LRP12: variants seen among roughly 807,000 people sequenced by gnomAD.
LRP12 encodes the protein LDL receptor related protein 12, also known as low-density lipoprotein receptor-related protein 12.
Under a neutral mutation model 66.0 loss-of-function variants are expected in LRP12, and 14 were observed. The ratio of observed to expected loss-of-function variants is 0.21; its 90% CI spans 0.14 to 0.33. The LOEUF is 0.33. Among genes scored for constraint, LRP12 ranks in the 10% least tolerant of loss-of-function variants. The probability of loss-of-function intolerance (pLI) is 1.00; values close to 1 mark genes in which losing one functional copy is unlikely to be tolerated. For missense variants in LRP12, 889 were observed against 1,053.4 expected (o/e 0.84, Z 2.16); for synonymous variants, 357 against 359.1 (o/e 0.99, Z 0.07).
At chr8:104,530,641 C>T (rs936376050) in intron 2 of LRP12, among the ~76,000 whole-genome samples, 6 of 152,116 alleles carry the variant, frequency 3.9e-5, no homozygotes, top group African/African-American at 1.4e-4. Context: ...AAACAGGCCT[C>T]AGTAGTTTTT....
At chr8:104,554,962 T>C (rs1811782527) in intron 1 of LRP12, among the ~76,000 whole-genome samples, 1 of 152,070 alleles carries the variant, frequency 6.6e-6, no homozygotes, top group Admixed American at 6.5e-5. Context: ...GGGATTGGGG[T>C]CCTATCTTTA....
chr8:104,559,811 T>C (rs1422363793), intron 1 of LRP12, among the ~76,000 whole-genome samples: 1 of 152,168 alleles, frequency 6.6e-6, no homozygotes, highest in East Asian at 1.9e-4. Flanking sequence ...AAGTTATCCA[T>C]TGTAAATATG....
At chr8:104,542,487 G>C (rs899136101) in intron 1 of LRP12, among the ~76,000 whole-genome samples, 4 of 152,164 alleles carry the variant, frequency 2.6e-5, no homozygotes, top group African/African-American at 9.7e-5. Flanking sequence ...TGAAGCACAA[G>C]TGTTTTTAAT....
intron 1 of LRP12, among the ~76,000 whole-genome samples, chr8:104,588,455 C>T (rs937607589): frequency 6.6e-6 from 1 of 152,192 alleles, no homozygotes; most frequent in Non-Finnish European, 1.5e-5. Flanking sequence ...CCTCTGCTTT[C>T]TCACAGTCAA....
At chr8:104,521,307 A>G (rs1279394868) in intron 2 of LRP12, among the ~76,000 whole-genome samples, 1 of 151,818 alleles carries the variant, frequency 6.6e-6, no homozygotes, top group Non-Finnish European at 1.5e-5. Flanking sequence ...GATTTGGGAT[A>G]GTCAACCTGT....
At chr8:104,541,406 C>T (rs1811474023) in intron 1 of LRP12, among the ~76,000 whole-genome samples, 3 of 152,148 alleles carry the variant, frequency 2.0e-5, no homozygotes, top group Non-Finnish European at 2.9e-5. Context: ...CTACCTATGA[C>T]TGTGGTTCAC....
At position 104,512,764 on chromosome 8, in the gene LRP12, T is replaced by G. The variant is rs776355475; in HGVS notation, c.137-3690A>C. Among the ~76,000 whole-genome samples the G allele has an allele frequency of 1.2e-3, 176 of 152,236 alleles. 1 individual carries two copies. The highest frequency in any genetic ancestry group is 2.7e-3 in the Admixed American group (42 of 15,300). On this transcript the variant is annotated intron_variant, in intron 2 of 6. Transcript: ENST00000276654. Reference sequence around the variant, plus strand: ...TTATACCAATAACTGAAGATTCTAGTATGGTACTCAAAAATACATTTTGTG... The same window carrying G: ...TTATACCAATAACTGAAGATTCTAGGATGGTACTCAAAAATACATTTTGTG...
chr8:104,530,676 C>A (rs1811313490), intron 2 of LRP12, among the ~76,000 whole-genome samples: 1 of 151,966 alleles, frequency 6.6e-6, no homozygotes, highest in South Asian at 2.1e-4. Flanking sequence ...GGTCCTGAGA[C>A]CAAAACTTTT....
chr8:104,572,410 T>C (rs976386716), intron 1 of LRP12, among the ~76,000 whole-genome samples: 4 of 152,112 alleles, frequency 2.6e-5, no homozygotes, highest in African/African-American at 7.2e-5. Context: ...TACTGTATAA[T>C]GTATAAAACA....
chr8:104,586,020 C>A (rs1812325306), intron 1 of LRP12, among the ~76,000 whole-genome samples: 1 of 152,180 alleles, frequency 6.6e-6, no homozygotes, highest in African/African-American at 2.4e-5. Flanking sequence ...TGGTTGTCAC[C>A]ACTGATATTT....
chr8:104,547,391 A>G (rs1324535123), intron 1 of LRP12, among the ~76,000 whole-genome samples: 1 of 135,720 alleles, frequency 7.4e-6, no homozygotes, highest in Non-Finnish European at 1.5e-5. Context: ...TATTTTGTAT[A>G]TAATATACAA....
chr8:104,568,694 C>T (rs72679145), intron 1 of LRP12, among the ~76,000 whole-genome samples: 227 of 152,130 alleles, frequency 1.5e-3, no homozygotes, highest in Non-Finnish European at 2.8e-3. Context: ...CATCAGTACC[C>T]ATTAGGGAGA....
intron 3 of LRP12, among the ~76,000 whole-genome samples, chr8:104,503,684 C>G (rs1480048770): frequency 6.6e-6 from 1 of 152,140 alleles, no homozygotes; most frequent in East Asian, 1.9e-4. Flanking sequence ...CTACAAAGCT[C>G]TGTACACAGT....
chr8:104,502,097 T>C (rs1484990970), intron 3 of LRP12, among the ~76,000 whole-genome samples: 1 of 152,244 alleles, frequency 6.6e-6, no homozygotes, highest in Non-Finnish European at 1.5e-5. Flanking sequence ...CTGATGACTA[T>C]GAACTTGAGG....
rs751616436 is a variant in LRP12 at position 104,588,911 on chromosome 8, G to GGA, written c.-16_-15dup. ...GCGACAGGCCATAACCACAGCAGAT[G>GGA]GAGAGAGAGAGGAGGAGACGGAGGA... On this transcript the variant is annotated 5_prime_UTR_variant, in exon 1 of 7. Transcript: ENST00000276654. 3.8e-6 allele frequency: 6 copies of GGA among 1,593,184 alleles called. No individual in the cohort carries two copies. The highest frequency in any genetic ancestry group is 2.3e-5 in the East Asian group (1 of 43,910).
chr8:104,558,153 T>C (rs2140885231), intron 1 of LRP12, among the ~76,000 whole-genome samples: 1 of 151,928 alleles, frequency 6.6e-6, no homozygotes, highest in Middle Eastern at 3.4e-3. Flanking sequence ...AAGGCTGCAG[T>C]GAATTGAGAT....
intron 1 of LRP12, among the ~76,000 whole-genome samples, chr8:104,575,181 C>T (rs1422718215): frequency 6.6e-6 from 1 of 152,190 alleles, no homozygotes; most frequent in African/African-American, 2.4e-5. Flanking sequence ...ATCATTCCTG[C>T]TTGCAGGGCA....
intron 1 of LRP12, among the ~76,000 whole-genome samples, chr8:104,564,369 G>A (rs1360784561): frequency 6.6e-6 from 1 of 152,196 alleles, no homozygotes; most frequent in Non-Finnish European, 1.5e-5. Context: ...CAATGTAGCT[G>A]TTTCTATAAG....
chr8:104,580,363 A>AT (rs1434964106), intron 1 of LRP12, among the ~76,000 whole-genome samples: 2 of 150,986 alleles, frequency 1.3e-5, no homozygotes, highest in South Asian at 2.1e-4. Flanking sequence ...AAAAATAAAA[A>AT]AAAAAAAAAA....
Sources: allele counts gnomAD v4.1 joint callset (sites outside exome capture counted in the v4.1 genomes callset), GRCh38; gene constraint gnomAD v4.1.1; transcripts MANE v1.5; gene names NCBI Gene and HGNC (gene_info 2026-07-23, HGNC 2026-07-21).